Variants in GALNT14 observed in about 807,000 individuals in gnomAD.
The protein encoded by GALNT14 is polypeptide N-acetylgalactosaminyltransferase 14, also known as UDP-GalNAc:polypeptide N-acetylgalactosaminyltransferase 14.
A neutral mutation model predicts 77.5 loss-of-function variants in GALNT14; 60 were observed. The observed-to-expected ratio is 0.77, with a 90% CI of 0.63 to 0.96. The LOEUF is 0.96. GALNT14 is among the 40% of genes least tolerant of loss of function. The probability of loss-of-function intolerance (pLI) is 0.00; values close to 1 mark genes in which losing one functional copy is unlikely to be tolerated. For synonymous variants in GALNT14, 280 were observed against 281.7 expected (o/e 0.99, Z 0.06); for missense variants, 710 against 731.0 (o/e 0.97, Z 0.33).
Position 31,092,766 on chromosome 2 carries a change from G to C in GALNT14, c.129+45192C>G, listed in dbSNP as rs530603771. Among the ~76,000 whole-genome samples, 3 of 152,334 alleles carry C rather than the reference G, an allele frequency of 2.0e-5. No individual in the cohort carries two copies. The East Asian group carries it at 5.8e-4, about 29-fold the overall frequency. ...CACAGAAAAACAAATGTACAGTGTA[G>C]TGAATATACAATGTAGTGATCAATG... On this transcript the variant is annotated intron_variant, in intron 1 of 14. Coordinates refer to ENST00000349752, the MANE Select transcript of GALNT14 (RefSeq NM_024572.4).
intron 3 of GALNT14, among the ~76,000 whole-genome samples, chr2:30,961,156 C>A (rs2148331061): frequency 6.6e-6 from 1 of 152,348 alleles, no homozygotes; most frequent in Non-Finnish European, 1.5e-5. Flanking sequence ...TCGCTCCCAG[C>A]CTTCATTTCC....
the GALNT14 span, among the ~76,000 whole-genome samples, chr2:30,904,372 G>A: frequency 5.3e-5 from 8 of 152,244 alleles, no homozygotes; most frequent in Non-Finnish European, 1.0e-4. Context: ...GCGAGCCGAA[G>A]CAGGGCGAGG....
intron 1 of GALNT14, among the ~76,000 whole-genome samples, chr2:31,105,032 C>T (rs751794576): frequency 2.6e-5 from 4 of 152,224 alleles, no homozygotes; most frequent in Non-Finnish European, 4.4e-5. Context: ...ACCACAGTTA[C>T]GGTGACCAAG....
chr2:31,103,759 C>T (rs1236075479), intron 1 of GALNT14, among the ~76,000 whole-genome samples: 2 of 152,096 alleles, frequency 1.3e-5, no homozygotes, highest in African/African-American at 4.8e-5. Flanking sequence ...TTCTACATCA[C>T]CAGGGCACAG....
Position 31,002,379 on chromosome 2 carries a change from G to A in GALNT14, c.130-9372C>T, listed in dbSNP as rs140590589. The stretch of plus-strand genomic sequence containing the variant: ...GGGGAGGCGGAGGCTGAAGTGAGCC[G>A]AGTTCATGCCACTGCGCTCCAACCT... On this transcript the variant is annotated intron_variant, in intron 1 of 14. Coordinates refer to ENST00000349752, the MANE Select transcript of GALNT14 (RefSeq NM_024572.4). 2.4e-3 allele frequency among the ~76,000 whole-genome samples: 369 copies of A among 151,946 alleles called. 1 individual carries two copies. The highest frequency in any genetic ancestry group is 0.02 in the Middle Eastern group (6 of 294).
chr2:31,105,073 A>T (rs1411966082), intron 1 of GALNT14, among the ~76,000 whole-genome samples: 1 of 152,170 alleles, frequency 6.6e-6, no homozygotes, highest in Non-Finnish European at 1.5e-5. Flanking sequence ...CATTCTCTCT[A>T]CATTTATCAG....
intron 13 of GALNT14, 150 bp downstream of exon 13, chr2:30,923,969 G>A (rs1012010131): frequency 2.3e-6 from 2 of 852,614 alleles, no homozygotes; most frequent in Middle Eastern, 3.3e-4. Flanking sequence ...GTGGCAGAGT[G>A]GGGGGATCAC....
chr2:31,041,297 T>C (rs1278863855), intron 1 of GALNT14, among the ~76,000 whole-genome samples: 2 of 152,010 alleles, frequency 1.3e-5, no homozygotes, highest in Admixed American at 6.6e-5. Flanking sequence ...AAAAGAGATA[T>C]GTGTTATAAA....
chr2:30,895,092 G>T, the GALNT14 span, among the ~76,000 whole-genome samples: 1 of 152,196 alleles, frequency 6.6e-6, no homozygotes, highest in African/African-American at 2.4e-5. Flanking sequence ...GACCTATTCT[G>T]GATAGAGAAA....
chr2:31,121,258 G>C (rs936977597), intron 1 of GALNT14, among the ~76,000 whole-genome samples: 2 of 152,118 alleles, frequency 1.3e-5, no homozygotes, highest in Non-Finnish European at 2.9e-5. Flanking sequence ...ATTTCTCTAA[G>C]AGCAGCTACA....
At chr2:31,102,993 A>AT (rs1677356920) in intron 1 of GALNT14, among the ~76,000 whole-genome samples, 1 of 151,964 alleles carries the variant, frequency 6.6e-6, no homozygotes, top group Admixed American at 6.6e-5. Context: ...TCATCCTTTT[A>AT]TTTTCAACCT....
intron 2 of GALNT14, among the ~76,000 whole-genome samples, chr2:30,986,101 G>A (rs1037766471): frequency 2.0e-5 from 3 of 152,156 alleles, no homozygotes; most frequent in African/African-American, 7.2e-5. Context: ...ATGTCTTCCT[G>A]GTGGGATGTA....
Position 30,944,893 on chromosome 2 carries a change from C to T in GALNT14, c.792G>A (p.Gln264=), listed in dbSNP as rs536636313. ...CCGTGGGGTCCAGGCGCCGAGCCTTCTGCTCTGGGGAGAGCTGCTCCCACT... is the reference window on the plus strand; with the variant it reads ...CCGTGGGGTCCAGGCGCCGAGCCTTTTGCTCTGGGGAGAGCTGCTCCCACT... ...HFQWEQLSPE[Q]KARRLDPTEP... The change falls in exon 8 of 15, where the codon CAG becomes CAA. Residue 264 remains glutamine, a synonymous_variant. Coordinates refer to ENST00000349752, the MANE Select transcript of GALNT14 (RefSeq NM_024572.4). 1.8e-5 allele frequency: 29 copies of T among 1,611,426 alleles called. 1 individual carries two copies. In the South Asian group the frequency reaches 3.1e-4, roughly 17 times the overall value.
chr2:31,122,188 A>G (rs1239837340), intron 1 of GALNT14, among the ~76,000 whole-genome samples: 1 of 152,184 alleles, frequency 6.6e-6, no homozygotes, highest in Non-Finnish European at 1.5e-5. Context: ...GCCACTGGAC[A>G]CAGGGGGCTC....
chr2:31,120,148 T>A lies in GALNT14; in HGVS notation c.129+17810A>T, dbSNP rs1293156714. The stretch of plus-strand genomic sequence containing the variant: ...TCCAGCCTGGGCGACAGAGCGAGAC[T>A]CCGTCTCAAAAAAAAAAAAAAAAAA... On this transcript the variant is annotated intron_variant, in intron 1 of 14. Coordinates refer to ENST00000349752, the MANE Select transcript of GALNT14 (RefSeq NM_024572.4). 3.7e-3 allele frequency among the ~76,000 whole-genome samples: 164 copies of A among 44,824 alleles called. 27 individuals carry two copies. The highest frequency in any genetic ancestry group is 8.8e-3 in the Admixed American group (23 of 2,600). The allele number at this position is 44,824 out of a possible 152,430, so 29.4% of individuals were successfully genotyped here. A position where few individuals can be genotyped will look rare whatever the true frequency, so the allele number is the denominator to read the frequency against.
chr2:31,062,113 G>T (rs1307048686), intron 1 of GALNT14, among the ~76,000 whole-genome samples: 1 of 152,136 alleles, frequency 6.6e-6, no homozygotes, highest in Non-Finnish European at 1.5e-5. Flanking sequence ...TGTTACATAG[G>T]TATACATGTG....
chr2:30,933,558 C>T (rs894020175), intron 9 of GALNT14, among the ~76,000 whole-genome samples: 1 of 152,184 alleles, frequency 6.6e-6, no homozygotes, highest in Admixed American at 6.5e-5. Flanking sequence ...TTCACACTAG[C>T]CCTACTCCAC....
In GALNT14 at chr2:30,911,076, G is replaced by T; in HGVS notation, c.1501-17C>A. Reference sequence around the variant, plus strand: ...GGTCCATTGCTGGTAAGACAAAGAAGAGAGTGAATGAACTAGGTGCCATCA... The same window carrying T: ...GGTCCATTGCTGGTAAGACAAAGAATAGAGTGAATGAACTAGGTGCCATCA... On this transcript the variant is annotated splice_polypyrimidine_tract_variant and intron_variant, in intron 14 of 14. Transcript: ENST00000349752. 1 of 1,611,514 alleles carries T rather than the reference G, an allele frequency of 6.2e-7. No individual in the cohort carries two copies. Among genetic ancestry groups the T allele is most frequent in the Non-Finnish European group, 8.5e-7 (1 of 1,178,206 alleles).
the GALNT14 span, among the ~76,000 whole-genome samples, chr2:30,889,014 C>G: frequency 6.6e-6 from 1 of 151,288 alleles, no homozygotes; most frequent in African/African-American, 2.4e-5. Context: ...GCCAGAATCA[C>G]GAAGATCCCC....
Sources: allele counts gnomAD v4.1 joint callset (sites outside exome capture counted in the v4.1 genomes callset), GRCh38; gene constraint gnomAD v4.1.1; transcripts MANE v1.5; gene names NCBI Gene and HGNC (gene_info 2026-07-23, HGNC 2026-07-21).